Variants in CDH12 observed in about 807,000 individuals in gnomAD.
CDH12 encodes the protein cadherin-12.
In CDH12, 41 loss-of-function variants were observed where a neutral mutation model predicts 74.1. The observed-to-expected ratio is 0.55, with a 90% confidence interval of 0.43 to 0.72. CDH12 has a LOEUF of 0.72. Among genes scored for constraint, CDH12 ranks in the 30% least tolerant of loss-of-function variants. CDH12 has a pLI of 0.00. For synonymous variants in CDH12, 399 were observed against 355.0 expected (o/e 1.12, Z -1.39); for missense variants, 945 against 977.2 (o/e 0.97, Z 0.44).
chr5:22,009,671 G>T (rs1044626972), intron 5 of CDH12, among the ~76,000 whole-genome samples: 3 of 151,894 alleles, frequency 2.0e-5, no homozygotes, highest in African/African-American at 7.3e-5. Flanking sequence ...TTAATGTTAT[G>T]TATTCTAGAA....
intron 1 of CDH12, among the ~76,000 whole-genome samples, chr5:22,733,109 T>C (rs751224196): frequency 6.6e-6 from 1 of 151,840 alleles, no homozygotes; most frequent in African/African-American, 2.4e-5. Flanking sequence ...GAACAGATAA[T>C]GAACACAATA....
At chr5:22,277,543 A>T (rs977105693) in intron 3 of CDH12, among the ~76,000 whole-genome samples, 3 of 152,136 alleles carry the variant, frequency 2.0e-5, no homozygotes, top group Admixed American at 2.0e-4. Flanking sequence ...GATTAAAAAA[A>T]AACAACAGGC....
At chr5:22,241,918 A>C (rs1752764201) in intron 3 of CDH12, among the ~76,000 whole-genome samples, 1 of 152,202 alleles carries the variant, frequency 6.6e-6, no homozygotes, top group African/African-American at 2.4e-5. Flanking sequence ...GGTCATTATA[A>C]ATTTGCATAA....
chr5:22,436,219 T>A (rs1425994971), intron 2 of CDH12, among the ~76,000 whole-genome samples: 1 of 133,044 alleles, frequency 7.5e-6, no homozygotes, highest in African/African-American at 2.9e-5. Flanking sequence ...AATTGAACAA[T>A]GAGAACACTT....
intron 4 of CDH12, among the ~76,000 whole-genome samples, chr5:22,079,737 C>T (rs1742589690): frequency 6.6e-6 from 1 of 152,048 alleles, no homozygotes; most frequent in South Asian, 2.1e-4. Context: ...TTTCTTATAA[C>T]AAGCGTTTTT....
chr5:21,913,943 C>A (rs1019877922), intron 6 of CDH12, among the ~76,000 whole-genome samples: 1 of 152,120 alleles, frequency 6.6e-6, no homozygotes, highest in Non-Finnish European at 1.5e-5. Flanking sequence ...CTCAGTCTCC[C>A]AAAATGCTGG....
intron 1 of CDH12, among the ~76,000 whole-genome samples, chr5:22,536,061 G>A (rs951248024): frequency 2.6e-5 from 4 of 152,142 alleles, no homozygotes. Context: ...CAAAAACAAT[G>A]CTATTTTGTA....
intron 1 of CDH12, among the ~76,000 whole-genome samples, chr5:22,684,825 A>G (rs900103403): frequency 6.6e-6 from 1 of 152,148 alleles, no homozygotes; most frequent in Admixed American, 6.6e-5. Context: ...AATGGTTTTT[A>G]TTCTTCAATC....
At chr5:22,377,936 T>C (rs962059141) in intron 3 of CDH12, among the ~76,000 whole-genome samples, 2 of 152,208 alleles carry the variant, frequency 1.3e-5, no homozygotes, top group African/African-American at 4.8e-5. Context: ...AGAAATTTTG[T>C]GAAAGTTAAT....
At chr5:22,181,562 G>T (rs567374297) in intron 4 of CDH12, among the ~76,000 whole-genome samples, 2 of 151,646 alleles carry the variant, frequency 1.3e-5, no homozygotes, top group African/African-American at 4.8e-5. Flanking sequence ...TTTCAATCTC[G>T]GGCTTATTTA....
chr5:21,942,347 TACACACACACACAC>T (rs70957081), intron 6 of CDH12, among the ~76,000 whole-genome samples: 10 of 129,676 alleles, frequency 7.7e-5, no homozygotes, highest in African/African-American at 9.6e-5. Context: ...TATATATATA[TACACACACACACAC>T]ACACACACAC....
At chr5:22,057,875 G>A (rs557929805) in intron 5 of CDH12, among the ~76,000 whole-genome samples, 1 of 152,156 alleles carries the variant, frequency 6.6e-6, no homozygotes, top group South Asian at 2.1e-4. Context: ...AGAACCAAAG[G>A]GTACGTGAGG....
chr5:21,856,236 T>A lies in CDH12; in HGVS notation c.527-1446A>T, dbSNP rs112439730. Reference sequence around the variant, plus strand: ...TAAAGATTCATTAAAACTACCTTTCTATAATCCTGTAGAAATCAACAGTTT... The same window carrying A: ...TAAAGATTCATTAAAACTACCTTTCAATAATCCTGTAGAAATCAACAGTTT... On this transcript the variant is annotated intron_variant, in intron 6 of 14. Coordinates refer to ENST00000382254, the MANE Select transcript of CDH12 (RefSeq NM_004061.5). Among the ~76,000 whole-genome samples the A allele has an allele frequency of 4.8e-3, 724 of 151,848 alleles. 10 individuals are homozygous for A. Among genetic ancestry groups the A allele is most frequent in the African/African-American group, 0.017 (698 of 41,492 alleles).
intron 8 of CDH12, among the ~76,000 whole-genome samples, chr5:21,838,791 T>G (rs181726956): frequency 6.6e-6 from 1 of 152,246 alleles, no homozygotes; most frequent in Admixed American, 6.5e-5. Context: ...TACTCTAGCT[T>G]CTTTGCCATT....
At chr5:21,964,671 T>G (rs1044259725) in intron 6 of CDH12, among the ~76,000 whole-genome samples, 1 of 152,028 alleles carries the variant, frequency 6.6e-6, no homozygotes, top group Non-Finnish European at 1.5e-5. Context: ...ATGTAGACAG[T>G]GTTCTTTTTG....
chr5:22,202,497 T>C, intron 4 of CDH12, among the ~76,000 whole-genome samples: 1 of 152,292 alleles, frequency 6.6e-6, no homozygotes, highest in East Asian at 1.9e-4. Context: ...TAGTGTTCTA[T>C]CTCTGAAATA....
chr5:22,529,336 G>A (rs1737478112), intron 1 of CDH12, among the ~76,000 whole-genome samples: 1 of 151,918 alleles, frequency 6.6e-6, no homozygotes, highest in Admixed American at 6.6e-5. Flanking sequence ...CAATGGTGGA[G>A]TTCCAGTCTG....
intron 4 of CDH12, among the ~76,000 whole-genome samples, chr5:22,097,194 T>A (rs1028198963): frequency 6.6e-6 from 1 of 152,148 alleles, no homozygotes; most frequent in Non-Finnish European, 1.5e-5. Flanking sequence ...CCCATCTGTG[T>A]AGGACCCCAC....
intron 6 of CDH12, among the ~76,000 whole-genome samples, chr5:21,926,373 A>G (rs1390477841): frequency 6.6e-6 from 1 of 152,156 alleles, no homozygotes; most frequent in African/African-American, 2.4e-5. Context: ...ATTGGTGGAC[A>G]TTTTCTGGAG....
Sources: gnomAD v4.1 joint callset for allele counts (sites outside exome capture counted in the v4.1 genomes callset) on GRCh38, gnomAD v4.1.1 for gene constraint, MANE v1.5 for transcripts, NCBI Gene and HGNC (gene_info 2026-07-23, HGNC 2026-07-21) for gene names.